The following BSND variants were observed in gnomAD, a reference collection of about 807,000 sequenced individuals.
BSND encodes the protein barttin CLCNK type accessory subunit beta, also known as barttin.
A neutral mutation model predicts 18.8 loss-of-function variants in BSND; 13 were observed. The observed-to-expected ratio is 0.69, with a 90% CI of 0.45 to 1.10. The LOEUF is 1.10. BSND is among the 50% of genes least tolerant of loss of function. The pLI, the probability that BSND is intolerant of heterozygous loss-of-function variation, is 0.00. For synonymous variants in BSND, 170 were observed against 161.8 expected, an observed-to-expected ratio of 1.05 and a Z score of -0.39; for missense variants, 379 against 416.7, an observed-to-expected ratio of 0.91 and a Z score of 0.79.
In BSND at chr1:55,006,994, C is replaced by T; in HGVS notation, c.273-3C>T. 6.2e-7 allele frequency: 1 copy of T among 1,614,004 alleles called. No homozygotes were observed. The highest frequency in any genetic ancestry group is 8.5e-7 in the Non-Finnish European group (1 of 1,180,030). On this transcript the variant is annotated splice_region_variant and splice_polypyrimidine_tract_variant and intron_variant, in intron 2 of 3. Transcript: ENST00000651561. ...CGCCTGCCTGTTCTCTCTCCCACTC[C>T]AGCCCCAGTCCCCAGCCGCCCTATG...
At chr1:55,001,036 T>A (rs148513035) in intron 1 of BSND, among the ~76,000 whole-genome samples, 187 of 152,296 alleles carry the variant, frequency 1.2e-3, no homozygotes, top group African/African-American at 4.3e-3. Context: ...GTTCACGTGC[T>A]GTGGAGGCAG....
At chr1:55,004,481 G>A (rs755781156) in intron 1 of BSND, among the ~76,000 whole-genome samples, 5 of 152,204 alleles carry the variant, frequency 3.3e-5, no homozygotes, top group Non-Finnish European at 7.3e-5. Flanking sequence ...ATCTGCCTCC[G>A]ACTGCACCAC....
At chr1:55,004,323 C>T (rs1031294090) in intron 1 of BSND, among the ~76,000 whole-genome samples, 2 of 152,216 alleles carry the variant, frequency 1.3e-5, no homozygotes, top group African/African-American at 4.8e-5. Flanking sequence ...CGAGGGTAGC[C>T]CCGTTATACA....
chr1:55,000,839 A>G (rs548352083), intron 1 of BSND, among the ~76,000 whole-genome samples: 10 of 152,196 alleles, frequency 6.6e-5, no homozygotes, highest in Non-Finnish European at 1.3e-4. Context: ...CCCAGTGAGG[A>G]GGCTGGACCC....
chr1:55,000,904 C>T (rs906386547), intron 1 of BSND, among the ~76,000 whole-genome samples: 7 of 152,142 alleles, frequency 4.6e-5, no homozygotes, highest in Admixed American at 6.5e-5. Context: ...TTCCTGCCCC[C>T]GCTCTTAAAT....
In BSND at chr1:55,012,325, G is replaced by A. The variant is rs186487628; in HGVS notation, c.*3697G>A. Among the ~76,000 whole-genome samples, 67 of 152,274 alleles carry A rather than the reference G, an allele frequency of 4.4e-4. 1 individual carries two copies. The highest frequency in any genetic ancestry group is 6.3e-4 in the Non-Finnish European group (43 of 68,020). On this transcript the variant is annotated 3_prime_UTR_variant, in exon 4 of 4. Transcript: ENST00000651561. ...TCACCCCTATTACCCTATCTAGTCC[G>A]TGAAACAGCCCTGGGGGACCGATCT...
chr1:55,000,218 T>C (rs1644354469), intron 1 of BSND, among the ~76,000 whole-genome samples: 1 of 152,196 alleles, frequency 6.6e-6, no homozygotes, highest in African/African-American at 2.4e-5. Flanking sequence ...CTGTTACCCA[T>C]ACTGATCCTC....
intron 1 of BSND, among the ~76,000 whole-genome samples, chr1:55,000,956 G>C (rs1244586173): frequency 6.6e-6 from 1 of 152,168 alleles, no homozygotes; most frequent in Non-Finnish European, 1.5e-5. Context: ...TGGGAGTGAC[G>C]GTAGAGGGGA....
At position 55,011,407 on chromosome 1, in the gene BSND, C is replaced by A. The variant is rs939051160; in HGVS notation, c.*2779C>A. 1 of 152,250 alleles carries A rather than the reference C, an allele frequency of 6.6e-6. No individual in the cohort carries two copies. The highest frequency in any genetic ancestry group is 1.5e-5 in the Non-Finnish European group (1 of 68,046). The allele number at this position is 152,250 out of a possible 1,614,324, so 9.4% of individuals were successfully genotyped here. On this transcript the variant is annotated 3_prime_UTR_variant, in exon 4 of 4. Coordinates refer to ENST00000651561, the MANE Select transcript of BSND (RefSeq NM_057176.3). ...CAAGTCTGGTTGCCTCCGTAGCCCTCAGCTTTCTCATGTGCAAATGACAGA... is the reference window on the plus strand; with the variant it reads ...CAAGTCTGGTTGCCTCCGTAGCCCTAAGCTTTCTCATGTGCAAATGACAGA...
intron 1 of BSND, among the ~76,000 whole-genome samples, chr1:55,000,427 T>C (rs1644355435): frequency 7.0e-6 from 1 of 143,356 alleles, no homozygotes; most frequent in Non-Finnish European, 1.5e-5. Flanking sequence ...AGCCTCAGTT[T>C]CCTCATTTGT....
rs201583148 is a variant in BSND at position 55,008,588 on chromosome 1, C to T, written c.923C>T (p.Pro308Leu). ...GLPDGAGDLLPDKELGFEPDT... is the reference protein window; with the variant it reads ...GLPDGAGDLLLDKELGFEPDT... ...CCAGATGGAGCCGGGGACCTCCTCC[C>T]GGACAAGGAGCTGGGTTTTGAGCCT... Residue 308 changes from proline to leucine, a missense_variant, in exon 4 of 4, where the codon CCG becomes CTG. Transcript: ENST00000651561. The T allele has an allele frequency of 2.8e-5, 45 of 1,614,142 alleles. No homozygotes were observed. Among genetic ancestry groups the T allele is most frequent in the African/African-American group, 2.5e-4 (19 of 75,024 alleles).
rs542366158 is a variant in BSND, at chr1:55,015,612, A to T, written c.*6984A>T. Reference sequence around the variant, plus strand: ...CTGGGGGTAAGGAGGGCTAGATTTTATCTAGTCATGTGTTCATTCATTTGT... The same window carrying T: ...CTGGGGGTAAGGAGGGCTAGATTTTTTCTAGTCATGTGTTCATTCATTTGT... On this transcript the variant is annotated 3_prime_UTR_variant, in exon 4 of 4. Coordinates refer to ENST00000651561, the MANE Select transcript of BSND (RefSeq NM_057176.3). 5.3e-5 allele frequency among the ~76,000 whole-genome samples: 8 copies of T among 152,304 alleles called. No homozygotes were observed. In the South Asian group the frequency reaches 1.0e-3, roughly 20 times the overall value.
chr1:54,999,625 G>C (rs1350010525), intron 1 of BSND, among the ~76,000 whole-genome samples: 1 of 152,178 alleles, frequency 6.6e-6, no homozygotes, highest in East Asian at 1.9e-4. Flanking sequence ...CTATGGTATA[G>C]ACACAGCAAA....
intron 3 of BSND, among the ~76,000 whole-genome samples, chr1:55,007,861 T>A (rs143638617): frequency 1.5e-4 from 23 of 152,258 alleles, no homozygotes; most frequent in African/African-American, 5.3e-4. Flanking sequence ...CTGAGTCCAA[T>A]GAGGGAGGCA....
rs764487566 is a variant in BSND at position 55,013,144 on chromosome 1, T to A, written c.*4516T>A. On this transcript the variant is annotated 3_prime_UTR_variant, in exon 4 of 4. Transcript: ENST00000651561. ...CGCAGCTTGCAAGGTTGGTGTATTG[T>A]CCCCATTTTATTTTTATGTATTTAT... Among the ~76,000 whole-genome samples, 1 of 152,094 alleles carries A rather than the reference T, an allele frequency of 6.6e-6. No individual in the cohort carries two copies. The highest frequency in any genetic ancestry group is 1.5e-5 in the Non-Finnish European group (1 of 68,012).
rs1045837010 is a variant in BSND, at chr1:55,015,025, G to A, written c.*6397G>A. On this transcript the variant is annotated 3_prime_UTR_variant, in exon 4 of 4. Coordinates refer to ENST00000651561, the MANE Select transcript of BSND (RefSeq NM_057176.3). ...AGAGGGAGGCCGCAGCTTGGCCATG[G>A]GGCTTCTTGAATTCCTGCCACGGAG... Among the ~76,000 whole-genome samples, 1 of 152,118 alleles carries A rather than the reference G, an allele frequency of 6.6e-6. No homozygotes were observed. The highest frequency in any genetic ancestry group is 1.5e-5 in the Non-Finnish European group (1 of 68,030).
Position 55,013,785 on chromosome 1 carries a change from G to A in BSND, c.*5157G>A, listed in dbSNP as rs1453202127. ...CAGGCTGGCATTTGAGGCCCTTCAT[G>A]ATCTGGCCCCAACTGCCCCATCCAG... On this transcript the variant is annotated 3_prime_UTR_variant, in exon 4 of 4. Coordinates refer to ENST00000651561, the MANE Select transcript of BSND (RefSeq NM_057176.3). Among the ~76,000 whole-genome samples the A allele has an allele frequency of 6.6e-6, 1 of 152,130 alleles. No homozygotes were observed. The highest frequency in any genetic ancestry group is 1.5e-5 in the Non-Finnish European group (1 of 67,998).
In BSND at chr1:55,006,861, C is replaced by T. The variant is rs532728300; in HGVS notation, c.273-136C>T. 3.7e-5 allele frequency: 47 copies of T among 1,280,776 alleles called. No individual in the cohort carries two copies. The Middle Eastern group carries it at 7.9e-4, about 21-fold the overall frequency. The allele number at this position is 1,280,776 out of a possible 1,614,324, so 79.3% of individuals were successfully genotyped here. A position where few individuals can be genotyped will look rare whatever the true frequency, so the allele number is the denominator to read the frequency against. ...GGCCTCAGCCTCCTCATCCCTGAAACGGGCGCAGTAACATCCCCCAAAGGC... is the reference window on the plus strand; with the variant it reads ...GGCCTCAGCCTCCTCATCCCTGAAATGGGCGCAGTAACATCCCCCAAAGGC... On this transcript the variant is annotated intron_variant, in intron 2 of 3. Coordinates refer to ENST00000651561, the MANE Select transcript of BSND (RefSeq NM_057176.3).
rs1462203636 is a variant in BSND, at chr1:55,012,786, T to C, written c.*4158T>C. 6.6e-6 allele frequency among the ~76,000 whole-genome samples: 1 copy of C among 152,100 alleles called. No individual in the cohort carries two copies. Among genetic ancestry groups the C allele is most frequent in the Non-Finnish European group, 1.5e-5 (1 of 68,018 alleles). On this transcript the variant is annotated 3_prime_UTR_variant, in exon 4 of 4. Transcript: ENST00000651561. ...CAGCAAGTGCAGGGACTAAGGTGTA[T>C]AAAATGCCTCCTGTGGGGCAGGAGG...
Sources: gnomAD v4.1 joint callset for allele counts (sites outside exome capture counted in the v4.1 genomes callset) on GRCh38, gnomAD v4.1.1 for gene constraint, MANE v1.5 for transcripts, NCBI Gene and HGNC (gene_info 2026-07-23, HGNC 2026-07-21) for gene names.